PLGRKT: variants seen among roughly 807,000 people sequenced by gnomAD.
PLGRKT encodes plasminogen receptor with a C-terminal lysine, also known as plasminogen receptor (KT).
In PLGRKT, 22 loss-of-function variants were observed where a neutral mutation model predicts 18.5. The observed-to-expected ratio is 1.19, with a 90% CI of 0.85 to 1.70. The LOEUF (loss-of-function observed/expected upper bound fraction) is 1.70. Ranked by LOEUF, PLGRKT falls within the 40% of genes most tolerant of loss-of-function variation. The pLI is 0.00. For synonymous variants in PLGRKT, 72 were observed against 52.8 expected (o/e 1.36, Z -1.58); for missense variants, 235 against 174.4 (o/e 1.35, Z -1.96).
intron 2 of PLGRKT, among the ~76,000 whole-genome samples, chr9:5,435,263 C>T (rs1818936610): frequency 6.7e-6 from 1 of 150,214 alleles, no homozygotes; most frequent in Admixed American, 6.7e-5. Flanking sequence ...CCACTATTAT[C>T]CTATGACCCT....
intron 3 of PLGRKT, among the ~76,000 whole-genome samples, chr9:5,416,464 T>C (rs1818460197): frequency 1.3e-5 from 2 of 152,190 alleles, no homozygotes; most frequent in South Asian, 2.1e-4. Context: ...ATTAAAGCTA[T>C]AGGATCATTT....
intron 3 of PLGRKT, among the ~76,000 whole-genome samples, chr9:5,425,957 G>A (rs1563790538): frequency 1.3e-5 from 2 of 152,164 alleles, no homozygotes; most frequent in Non-Finnish European, 2.9e-5. Flanking sequence ...CTCATGAGGT[G>A]CCATTAAATT....
intron 3 of PLGRKT, among the ~76,000 whole-genome samples, chr9:5,393,195 C>G (rs553985538): frequency 1.3e-5 from 2 of 151,976 alleles, no homozygotes; most frequent in Admixed American, 1.3e-4. Context: ...ATGACTTCAC[C>G]CTGCCATTTT....
chr9:5,418,535 C>T lies in PLGRKT; in HGVS notation c.81+13362G>A. Reference sequence around the variant, plus strand: ...CTGTCCTGCTCCTCCTCCGCCACCCCCTGGGGAGCCCTGCCTTGCAGAGGC... The same window carrying T: ...CTGTCCTGCTCCTCCTCCGCCACCCTCTGGGGAGCCCTGCCTTGCAGAGGC... On this transcript the variant is annotated intron_variant, in intron 3 of 5. Coordinates refer to ENST00000223864, the MANE Select transcript of PLGRKT (RefSeq NM_018465.4). The surrounding 1 kb of genome is among the most constrained non-coding windows in gnomAD (Gnocchi z 4.2). The T allele has an allele frequency of 1.1e-6, 1 of 897,754 alleles. No individual in the cohort carries two copies. Among genetic ancestry groups the T allele is most frequent in the South Asian group, 1.3e-5 (1 of 76,934 alleles). 55.6% of individuals were successfully genotyped at this position (897,754 alleles called of 1,614,324 possible).
In PLGRKT at chr9:5,389,541, CCAT is replaced by C. The variant is rs558845665; in HGVS notation, c.82-27656_82-27654del. On this transcript the variant is annotated intron_variant, in intron 3 of 5. Transcript: ENST00000223864. ...GAAAGACTTTCCATTTCCTCCAGTA[CCAT>C]CTGGATAATGAGTCATCAGAGAAAA... Among the ~76,000 whole-genome samples the C allele has an allele frequency of 3.1e-3, 473 of 151,888 alleles. 12 individuals are homozygous for C. Among genetic ancestry groups the C allele is most frequent in the African/African-American group, 0.01 (426 of 41,230 alleles).
intron 3 of PLGRKT, among the ~76,000 whole-genome samples, chr9:5,421,395 T>C (rs992011132): frequency 6.6e-6 from 1 of 152,212 alleles, no homozygotes; most frequent in African/African-American, 2.4e-5. Flanking sequence ...TCTCCCATCA[T>C]CATCCCTTAC....
intron 3 of PLGRKT, among the ~76,000 whole-genome samples, chr9:5,378,348 G>C (rs1817671577): frequency 6.6e-6 from 1 of 152,198 alleles, no homozygotes; most frequent in South Asian, 2.1e-4. Context: ...TCATGTGCCA[G>C]CATGTTTTCT....
Position 5,429,455 on chromosome 9 carries a change from G to C in PLGRKT, c.81+2442C>G, listed in dbSNP as rs1818771957. Among the ~76,000 whole-genome samples, 3 of 152,166 alleles carry C rather than the reference G, an allele frequency of 2.0e-5. No individual in the cohort carries two copies. The South Asian group carries it at 6.2e-4, about 32-fold the overall frequency. Reference sequence around the variant, plus strand: ...GAAATTTATTGTCTCTGTTCTGAAGGGGAGAAATCTAAAATCAAGGTGTCT... The same window carrying C: ...GAAATTTATTGTCTCTGTTCTGAAGCGGAGAAATCTAAAATCAAGGTGTCT... On this transcript the variant is annotated intron_variant, in intron 3 of 5. Transcript: ENST00000223864.
At chr9:5,433,251 CCCTCTG>C (rs1563793705) in intron 2 of PLGRKT, among the ~76,000 whole-genome samples, 1 of 113,424 alleles carries the variant, frequency 8.8e-6, no homozygotes, top group African/African-American at 3.4e-5. Context: ...TGTGAGGAGC[CCCTCTG>C]CCTGGCCACC....
intron 3 of PLGRKT, among the ~76,000 whole-genome samples, chr9:5,386,483 G>A (rs754127406): frequency 1.6e-4 from 24 of 151,790 alleles, no homozygotes; most frequent in Non-Finnish European, 3.2e-4. Flanking sequence ...CATATGATAT[G>A]CAGTGGACCC....
intron 3 of PLGRKT, chr9:5,381,780 A>C: frequency 1.8e-6 from 1 of 555,844 alleles, no homozygotes; most frequent in Non-Finnish European, 2.3e-6. Flanking sequence ...ATTGTTTGGA[A>C]GTTGGTCTAG....
At chr9:5,409,272 A>T (rs1406153692) in intron 3 of PLGRKT, among the ~76,000 whole-genome samples, 1 of 151,420 alleles carries the variant, frequency 6.6e-6, no homozygotes, top group African/African-American at 2.4e-5. Flanking sequence ...TGGGTTGGGG[A>T]AGGCAGATCT....
intron 3 of PLGRKT, among the ~76,000 whole-genome samples, chr9:5,416,666 T>C (rs1256613202): frequency 6.6e-6 from 1 of 152,174 alleles, no homozygotes; most frequent in Non-Finnish European, 1.5e-5. Flanking sequence ...AAAAGCTTTC[T>C]GATGGTTACT....
chr9:5,358,456 C>T (rs149134300), intron 5 of PLGRKT, 96 bp from the exon 6 acceptor site: 87 of 990,328 alleles, frequency 8.8e-5, no homozygotes, highest in South Asian at 8.4e-4. Context: ...GCTCTAACAC[C>T]GTATGAGCCA....
At chr9:5,386,622 T>C (rs993205196) in intron 3 of PLGRKT, among the ~76,000 whole-genome samples, 5 of 151,888 alleles carry the variant, frequency 3.3e-5, no homozygotes, top group African/African-American at 1.2e-4. Flanking sequence ...GAAATGTGAC[T>C]CTGCTCCTGC....
intron 3 of PLGRKT, among the ~76,000 whole-genome samples, chr9:5,400,886 G>C (rs577216348): frequency 6.6e-6 from 1 of 151,828 alleles, no homozygotes; most frequent in South Asian, 2.1e-4. Flanking sequence ...ATTTTTTCCA[G>C]AAACATTCTG....
chr9:5,389,734 G>A (rs936900910), intron 3 of PLGRKT, among the ~76,000 whole-genome samples: 1 of 151,910 alleles, frequency 6.6e-6, no homozygotes, highest in Non-Finnish European at 1.5e-5. Context: ...AAAACAGGAA[G>A]AGATAGGAGT....
At chr9:5,381,900 G>T in intron 3 of PLGRKT, 1 of 985,036 alleles carries the variant, frequency 1.0e-6, no homozygotes, top group Non-Finnish European at 1.2e-6. Flanking sequence ...AAATCACAGA[G>T]GGACCACATC....
intron 5 of PLGRKT, 101 bp downstream of exon 5, chr9:5,360,977 A>G (rs774089383): frequency 1.5e-6 from 1 of 679,962 alleles, no homozygotes; most frequent in Non-Finnish European, 2.6e-6. Flanking sequence ...TCAAAGAGAG[A>G]GTCTTGTCAG....
Sources: allele counts gnomAD v4.1 joint callset (sites outside exome capture counted in the v4.1 genomes callset), GRCh38; gene constraint gnomAD v4.1.1; non-coding constraint Gnocchi (gnomAD v3.1); transcripts MANE v1.5; gene names NCBI Gene and HGNC (gene_info 2026-07-23, HGNC 2026-07-21).